The following TEKT5 variants were observed in gnomAD, a reference collection of about 807,000 sequenced individuals.
TEKT5 encodes the protein tektin-5.
Under a neutral mutation model 48.7 loss-of-function variants are expected in TEKT5, and 52 were observed. The observed-to-expected ratio is 1.07, with a 90% CI of 0.86 to 1.35. The LOEUF is 1.35. Ranked by LOEUF, TEKT5 falls within the 40% of genes most tolerant of loss-of-function variation. TEKT5 has a pLI of 0.00. For missense variants in TEKT5, 831 were observed against 641.6 expected (o/e 1.30, Z -3.19); for synonymous variants, 318 against 267.6 (o/e 1.19, Z -1.84).
At chr16:10,682,299 C>A (rs1898770908) in intron 3 of TEKT5, among the ~76,000 whole-genome samples, 163 bp from the exon 4 acceptor site, 1 of 151,818 alleles carries the variant, frequency 6.6e-6, no homozygotes, top group African/African-American at 2.4e-5. Flanking sequence ...CCCAGAGGCT[C>A]CCCCCAATCC....
At chr16:10,672,958 G>C (rs990290154) in intron 5 of TEKT5, among the ~76,000 whole-genome samples, 1 of 151,808 alleles carries the variant, frequency 6.6e-6, no homozygotes, top group African/African-American at 2.4e-5. Flanking sequence ...CCAGGCTCAA[G>C]TGATCCTCCT....
intron 5 of TEKT5, among the ~76,000 whole-genome samples, chr16:10,651,939 G>C (rs1898166179): frequency 1.3e-5 from 2 of 152,134 alleles, no homozygotes; most frequent in African/African-American, 4.8e-5. Context: ...TCCAGCCTGG[G>C]CAACAGAGCA....
chr16:10,652,790 A>C (rs1596406208), intron 5 of TEKT5, among the ~76,000 whole-genome samples: 2 of 115,502 alleles, frequency 1.7e-5, no homozygotes, highest in African/African-American at 7.8e-5. Flanking sequence ...ACACACACAC[A>C]CACACCCTCC....
rs774458718 is a variant in TEKT5 at position 10,627,652 on chromosome 16, G to A, written c.1389C>T (p.Ile463=). ...GCATGCCCATGCACTTCTCCTTGTC[G>A]ATGCAGAGGGTGTTGGCCTTGATGG... ...ELAIKANTLC[I]DKEKCMGMRK... The change falls in exon 7 of 7, where the codon ATC becomes ATT. Residue 463 remains isoleucine (I), a synonymous_variant. Transcript: ENST00000283025. The A allele has an allele frequency of 2.8e-5, 46 of 1,614,054 alleles. No homozygotes were observed. The highest frequency in any genetic ancestry group is 6.7e-5 in the African/African-American group (5 of 74,916).
intron 5 of TEKT5, among the ~76,000 whole-genome samples, chr16:10,662,135 G>T (rs1894965): frequency 0.4 from 61,365 of 152,042 alleles, 12,888 homozygotes; most frequent in East Asian, 0.64. Flanking sequence ...GGTAGGGACT[G>T]TCCTGTGCAC....
chr16:10,635,067 G>A (rs902095331), intron 6 of TEKT5, among the ~76,000 whole-genome samples: 1 of 152,186 alleles, frequency 6.6e-6, no homozygotes, highest in African/African-American at 2.4e-5. Context: ...GGGGAGAACA[G>A]AGTGGCCAAG....
chr16:10,660,211 A>AC (rs1176711056), intron 5 of TEKT5, among the ~76,000 whole-genome samples: 1 of 152,076 alleles, frequency 6.6e-6, no homozygotes, highest in African/African-American at 2.4e-5. Context: ...ATTCCAGTGT[A>AC]AGGGGTCAAG....
chr16:10,657,502 C>T (rs544637288), intron 5 of TEKT5, among the ~76,000 whole-genome samples: 2 of 152,000 alleles, frequency 1.3e-5, no homozygotes, highest in Admixed American at 6.6e-5. Flanking sequence ...GGAGTGAATC[C>T]AGTGCTATAA....
intron 3 of TEKT5, among the ~76,000 whole-genome samples, chr16:10,684,091 C>T (rs572221128): frequency 8.0e-6 from 1 of 125,012 alleles, no homozygotes; most frequent in South Asian, 3.1e-4. Context: ...TTTTCTGTTT[C>T]CCTGTTGGCT....
chr16:10,627,840 A>G (rs891268830), intron 6 of TEKT5, 41 bp from the exon 7 acceptor site: 1 of 1,572,578 alleles, frequency 6.4e-7, no homozygotes, highest in Non-Finnish European at 8.7e-7. Context: ...TTATTCATTT[A>G]TTTTTATTTG....
intron 5 of TEKT5, among the ~76,000 whole-genome samples, chr16:10,671,505 G>C (rs904671984): frequency 1.3e-5 from 2 of 152,194 alleles, no homozygotes. Context: ...GAGCCTTGAA[G>C]ACATTATGCC....
chr16:10,680,192 C>T (rs1898722864), intron 4 of TEKT5, among the ~76,000 whole-genome samples: 1 of 152,240 alleles, frequency 6.6e-6, no homozygotes, highest in Non-Finnish European at 1.5e-5. Context: ...GAGGAGAGCA[C>T]CTTGTCAGGA....
At position 10,632,303 on chromosome 16, in the gene TEKT5, T is replaced by TTTG. The variant is rs1555464348; in HGVS notation, c.1241+3460_1241+3461insCAA. Among the ~76,000 whole-genome samples, 88 of 152,058 alleles carry TTTG rather than the reference T, an allele frequency of 5.8e-4. No homozygotes were observed. In the Middle Eastern group the frequency reaches 0.017, roughly 29 times the overall value. ...ATTTAATTTTCATTAAAATTCAGTT[T>TTTG]ATGGTTTTTTTTTTGACAGGGTGTT... On this transcript the variant is annotated intron_variant, in intron 6 of 6. Coordinates refer to ENST00000283025, the MANE Select transcript of TEKT5 (RefSeq NM_144674.2).
chr16:10,657,272 T>C (rs191326562), intron 5 of TEKT5, among the ~76,000 whole-genome samples: 9 of 150,256 alleles, frequency 6.0e-5, no homozygotes, highest in Non-Finnish European at 1.0e-4. Context: ...ATTACAGGCA[T>C]GCACCACCAT....
chr16:10,634,332 C>G (rs904465515), intron 6 of TEKT5, among the ~76,000 whole-genome samples: 1 of 152,142 alleles, frequency 6.6e-6, no homozygotes, highest in African/African-American at 2.4e-5. Flanking sequence ...CCCAAGGAAG[C>G]CTGAGGATGG....
intron 5 of TEKT5, among the ~76,000 whole-genome samples, chr16:10,653,224 GCCAGCCCTGCCTTCCCCGC>G (rs1898199423): frequency 6.6e-6 from 1 of 152,214 alleles, no homozygotes; most frequent in South Asian, 2.1e-4. Flanking sequence ...GGGTCTGGCA[GCCAGCCCTGCCTTCCCCGC>G]CCAGCCCTGC....
At chr16:10,660,530 T>C (rs1898348410) in intron 5 of TEKT5, among the ~76,000 whole-genome samples, 1 of 152,060 alleles carries the variant, frequency 6.6e-6, no homozygotes, top group African/African-American at 2.4e-5. Flanking sequence ...AGCCGCTATC[T>C]CCTCATCCGG....
intron 1 of TEKT5, 61 bp from the exon 2 acceptor site, chr16:10,690,086 A>T (rs1228420280): frequency 3.2e-6 from 5 of 1,555,882 alleles, no homozygotes; most frequent in Non-Finnish European, 4.4e-6. Flanking sequence ...CCTGAGCAGA[A>T]GGGACTCACA....
chr16:10,655,778 C>A (rs1898250811), intron 5 of TEKT5, among the ~76,000 whole-genome samples: 1 of 152,132 alleles, frequency 6.6e-6, no homozygotes, highest in African/African-American at 2.4e-5. Context: ...CTCCTTGGAC[C>A]ATGAGGTCTA....
Sources: gnomAD v4.1 joint callset for allele counts (sites outside exome capture counted in the v4.1 genomes callset) on GRCh38, gnomAD v4.1.1 for gene constraint, MANE v1.5 for transcripts, NCBI Gene and HGNC (gene_info 2026-07-23, HGNC 2026-07-21) for gene names.